The following NINL variants were observed in gnomAD, a reference collection of about 807,000 sequenced individuals.
The protein encoded by NINL is ninein like, also known as ninein-like protein.
A neutral mutation model predicts 160.3 loss-of-function variants in NINL; 153 were observed. That is an observed-to-expected ratio of 0.95 (90% CI 0.84 to 1.09). The LOEUF (loss-of-function observed/expected upper bound fraction) is 1.09. Among genes scored for constraint, NINL ranks in the 50% least tolerant of loss-of-function variants. NINL has a pLI of 0.00. For missense variants in NINL, 1,829 were observed against 1,764.0 expected, an observed-to-expected ratio of 1.04 and a Z score of -0.66; for synonymous variants, 800 against 734.8, an observed-to-expected ratio of 1.09 and a Z score of -1.43.
At chr20:25,472,409 C>A (rs943082282) in intron 17 of NINL, among the ~76,000 whole-genome samples, 1 of 144,462 alleles carries the variant, frequency 6.9e-6, no homozygotes, top group Non-Finnish European at 1.5e-5. Context: ...TCTTGTTGCC[C>A]TGGCTGGAGT....
At chr20:25,561,114 C>G (rs1018321615) in intron 1 of NINL, among the ~76,000 whole-genome samples, 2 of 151,694 alleles carry the variant, frequency 1.3e-5, no homozygotes, top group Non-Finnish European at 2.9e-5. Context: ...CTGCTGCCAT[C>G]TCGGCTCACT....
intron 20 of NINL, 146 bp downstream of exon 20, chr20:25,462,237 C>T (rs908345665): frequency 6.4e-5 from 44 of 683,048 alleles, no homozygotes; most frequent in Non-Finnish European, 9.3e-5. Flanking sequence ...CAACACAGCA[C>T]AGTCCACCTA....
intron 1 of NINL, among the ~76,000 whole-genome samples, chr20:25,545,562 T>TG (rs886383708): frequency 6.6e-6 from 1 of 152,012 alleles, no homozygotes; most frequent in Non-Finnish European, 1.5e-5. Flanking sequence ...CATGACAGGA[T>TG]GGGGGGTTGG....
intron 2 of NINL, among the ~76,000 whole-genome samples, chr20:25,525,301 TGGCCCAA>T: frequency 6.6e-6 from 1 of 152,378 alleles, no homozygotes; most frequent in Admixed American, 6.5e-5. Context: ...TCATTTGTTT[TGGCCCAA>T]GGGCCATTTC....
At chr20:25,489,004 G>C (rs2063562212) in intron 13 of NINL, 1 of 521,222 alleles carries the variant, frequency 1.9e-6, no homozygotes, top group Admixed American at 3.1e-5. Context: ...AGCTAAACAT[G>C]AACAACAGAA....
intron 22 of NINL, 137 bp from the exon 23 acceptor site, chr20:25,455,923 T>C (rs2090662262): frequency 6.0e-6 from 4 of 664,804 alleles, no homozygotes; most frequent in Non-Finnish European, 5.4e-6. Context: ...TGAAACCCCA[T>C]CTCTACTAAA....
intron 5 of NINL, among the ~76,000 whole-genome samples, chr20:25,507,904 A>C (rs1217342153): frequency 6.6e-6 from 1 of 152,206 alleles, no homozygotes; most frequent in African/African-American, 2.4e-5. Context: ...TGAGCTTGAC[A>C]CGAGTGTGTG....
intron 3 of NINL, among the ~76,000 whole-genome samples, chr20:25,517,186 C>T (rs548109913): frequency 1.1e-4 from 17 of 152,260 alleles, no homozygotes; most frequent in African/African-American, 3.9e-4. Context: ...GGACATCCTG[C>T]TGTGAGACAC....
rs575256988 is a variant in NINL, at chr20:25,575,119, C to CT, written c.-12+10335dup. Among the ~76,000 whole-genome samples, 14 of 152,194 alleles carry CT rather than the reference C, an allele frequency of 9.2e-5. No individual in the cohort carries two copies. The East Asian group carries it at 2.7e-3, about 29-fold the overall frequency. ...AGTGAATATAGGACTAGCTTTTTAACTTGTTATTCTGAAAAACTTTCAAAT... is the reference window on the plus strand; with the variant it reads ...AGTGAATATAGGACTAGCTTTTTAACTTTGTTATTCTGAAAAACTTTCAAAT... On this transcript the variant is annotated intron_variant, in intron 1 of 23. Transcript: ENST00000278886.
chr20:25,528,453 G>A (rs1345476083), intron 1 of NINL, among the ~76,000 whole-genome samples: 1 of 152,036 alleles, frequency 6.6e-6, no homozygotes, highest in East Asian at 1.9e-4. Context: ...ATTCATTTAT[G>A]CCTTATAACA....
At position 25,562,993 on chromosome 20, in the gene NINL, C is replaced by T. The variant is rs964658611; in HGVS notation, c.-12+22462G>A. ...CATCCTGGCTAACACGGTGAAATCC[C>T]ATCTCTACTAAAAATACAAAAAATT... On this transcript the variant is annotated intron_variant, in intron 1 of 23. Transcript: ENST00000278886. Among the ~76,000 whole-genome samples, 9 of 152,164 alleles carry T rather than the reference C, an allele frequency of 5.9e-5. No individual in the cohort carries two copies. The South Asian group carries it at 1.0e-3, about 18-fold the overall frequency.
At chr20:25,463,422 C>T (rs1452764219) in intron 19 of NINL, among the ~76,000 whole-genome samples, 1 of 152,150 alleles carries the variant, frequency 6.6e-6, no homozygotes, top group African/African-American at 2.4e-5. Context: ...TGGCAGGGTA[C>T]ATAGGTTCAT....
intron 13 of NINL, among the ~76,000 whole-genome samples, chr20:25,484,799 A>C (rs1390256113): frequency 1.3e-5 from 2 of 152,242 alleles, no homozygotes; most frequent in Non-Finnish European, 2.9e-5. Flanking sequence ...TGCTAAATCC[A>C]GGGAAGATTC....
chr20:25,453,545 C>G lies in NINL; in HGVS notation c.4055G>C (p.Arg1352Pro). ...GAGGCGGCTTTGTTTCTCGGCGCCT[C>G]GCTGCTTCTCCTCGGTGGCCTGAAG... ...RALQATEEKQ[R>P]GAEKQSRLLE... The change falls in exon 24 of 24, where the codon CGA becomes CCA. Residue 1352 changes from arginine (R) to proline (P), a missense_variant. By Grantham distance (103) the Arg-to-Pro change is moderately radical (BLOSUM62 -2). Coordinates refer to ENST00000278886, the MANE Select transcript of NINL (RefSeq NM_025176.6). The G allele has an allele frequency of 6.2e-7, 1 of 1,614,114 alleles. No homozygotes were observed. Among genetic ancestry groups the G allele is most frequent in the African/African-American group, 1.3e-5 (1 of 75,058 alleles).
intron 15 of NINL, among the ~76,000 whole-genome samples, chr20:25,479,411 C>G (rs957324107): frequency 1.3e-5 from 2 of 152,162 alleles, no homozygotes; most frequent in Admixed American, 6.5e-5. Flanking sequence ...AGTCACCTAT[C>G]CCCCCTGAGG....
intron 1 of NINL, among the ~76,000 whole-genome samples, chr20:25,534,493 A>G (rs1337539373): frequency 6.6e-6 from 1 of 152,236 alleles, no homozygotes; most frequent in Non-Finnish European, 1.5e-5. Flanking sequence ...CACAGAGTGT[A>G]CTTACACAAA....
At chr20:25,574,383 A>G (rs1224825733) in intron 1 of NINL, among the ~76,000 whole-genome samples, 1 of 151,458 alleles carries the variant, frequency 6.6e-6, no homozygotes, top group Non-Finnish European at 1.5e-5. Flanking sequence ...AGAATGCTTT[A>G]TTAGGCATAA....
chr20:25,523,849 C>A (rs951885714), intron 2 of NINL, among the ~76,000 whole-genome samples: 4 of 151,752 alleles, frequency 2.6e-5, no homozygotes, highest in Admixed American at 1.3e-4. Flanking sequence ...CCACATTGGT[C>A]AGGCTGATCT....
chr20:25,491,884 C>G (rs2063649165), intron 10 of NINL, among the ~76,000 whole-genome samples: 1 of 152,242 alleles, frequency 6.6e-6, no homozygotes, highest in Admixed American at 6.5e-5. Flanking sequence ...ATACCAAATG[C>G]ACATGAAAAT....
Sources: gnomAD v4.1 joint callset for allele counts (sites outside exome capture counted in the v4.1 genomes callset) on GRCh38, gnomAD v4.1.1 for gene constraint, MANE v1.5 for transcripts, NCBI Gene and HGNC (gene_info 2026-07-23, HGNC 2026-07-21) for gene names.